The following MYO16 variants were observed in gnomAD, a reference collection of about 807,000 sequenced individuals.
The protein encoded by MYO16 is myosin XVI.
MYO16 carries 94 observed loss-of-function variants against 205.3 expected under a neutral mutation model. That is an observed-to-expected ratio of 0.46 (90% CI 0.39 to 0.54). The LOEUF is 0.54. Among genes scored for constraint, MYO16 ranks in the 20% least tolerant of loss-of-function variants. The pLI, the probability that MYO16 is intolerant of heterozygous loss-of-function variation, is 0.00. For synonymous variants in MYO16, 988 were observed against 954.0 expected, an observed-to-expected ratio of 1.04 and a Z score of -0.66; for missense variants, 2,315 against 2,387.5, an observed-to-expected ratio of 0.97 and a Z score of 0.63.
At chr13:108,503,529 C>T in the MYO16 span, among the ~76,000 whole-genome samples, 3 of 151,996 alleles carry the variant, frequency 2.0e-5, no homozygotes, top group African/African-American at 7.3e-5. Context: ...TCATTTAGCT[C>T]TTTGAAGATC....
At chr13:108,542,219 C>A in the MYO16 span, among the ~76,000 whole-genome samples, 1 of 151,780 alleles carries the variant, frequency 6.6e-6, no homozygotes, top group Admixed American at 6.6e-5. Context: ...AACACAGAAA[C>A]AAACAAACAA....
chr13:109,085,864 A>G (rs551834832), intron 27 of MYO16, among the ~76,000 whole-genome samples: 34 of 152,290 alleles, frequency 2.2e-4, no homozygotes, highest in African/African-American at 7.5e-4. Context: ...CAACAGATCC[A>G]TACACTATGG....
intron 1 of MYO16, among the ~76,000 whole-genome samples, chr13:108,618,373 C>T (rs7321621): frequency 0.024 from 3,650 of 152,238 alleles, 120 homozygotes; most frequent in South Asian, 0.073. Context: ...CAGGAGACAC[C>T]TCCTGCAAGG....
Position 108,992,088 on chromosome 13 carries a change from A to G in MYO16, c.2370-288A>G, listed in dbSNP as rs574736764. Among the ~76,000 whole-genome samples the G allele has an allele frequency of 2.6e-5, 4 of 152,334 alleles. No homozygotes were observed. In the South Asian group the frequency reaches 8.3e-4, roughly 32 times the overall value. ...AAAATTTTTGCAAACTATGCATTGG[A>G]CAAAGGTCTAATATCCAGCATCTAT... is the stretch of plus-strand genomic sequence containing the variant. On this transcript the variant is annotated intron_variant, in intron 20 of 34. Transcript: ENST00000457511.
At chr13:109,102,053 T>C (rs986848428) in intron 28 of MYO16, 2 of 152,172 alleles carry the variant, frequency 1.3e-5, no homozygotes, top group African/African-American at 4.8e-5. Context: ...GATTTAATTG[T>C]CTGTGCCACC....
At chr13:108,621,241 G>A (rs1442286804) in intron 1 of MYO16, among the ~76,000 whole-genome samples, 1 of 152,096 alleles carries the variant, frequency 6.6e-6, no homozygotes, top group Non-Finnish European at 1.5e-5. Flanking sequence ...AAGCTCCACA[G>A]GGTAGGGTCT....
At chr13:109,197,028 T>C (rs1566559078) in intron 34 of MYO16, among the ~76,000 whole-genome samples, 1 of 152,202 alleles carries the variant, frequency 6.6e-6, no homozygotes, top group Non-Finnish European at 1.5e-5. Flanking sequence ...ATAATAATTT[T>C]GGACATGTAA....
intron 9 of MYO16, among the ~76,000 whole-genome samples, chr13:108,835,661 A>G (rs1199708526): frequency 6.6e-6 from 1 of 152,200 alleles, no homozygotes; most frequent in Non-Finnish European, 1.5e-5. Context: ...CAAAATGCAG[A>G]TAGTGATATG....
rs560631503 is a variant in MYO16, at chr13:108,976,738, G to A, written c.2369+11836G>A. ...TGCATTTGTGAGAAAATAAAAATACGCTTATCCCGACTTTTCTTTGTCCAT... is the reference window on the plus strand; with the variant it reads ...TGCATTTGTGAGAAAATAAAAATACACTTATCCCGACTTTTCTTTGTCCAT... On this transcript the variant is annotated intron_variant, in intron 20 of 34. Coordinates refer to ENST00000457511, the MANE Select transcript of MYO16 (RefSeq NM_001198950.3). 2.4e-4 allele frequency among the ~76,000 whole-genome samples: 36 copies of A among 152,150 alleles called. No homozygotes were observed. The South Asian group carries it at 6.2e-3, about 26-fold the overall frequency.
intron 1 of MYO16, among the ~76,000 whole-genome samples, chr13:108,622,664 G>A (rs1243281709): frequency 2.8e-5 from 4 of 144,288 alleles, no homozygotes; most frequent in Non-Finnish European, 6.1e-5. Context: ...GTTGGTGGGG[G>A]ATGGAAAAGA....
chr13:108,567,353 G>A, the MYO16 span, among the ~76,000 whole-genome samples: 1 of 152,182 alleles, frequency 6.6e-6, no homozygotes, highest in Non-Finnish European at 1.5e-5. Context: ...TTGGAGAAAA[G>A]AGGATTTCTT....
At chr13:108,940,522 G>A (rs1050042741) in intron 16 of MYO16, among the ~76,000 whole-genome samples, 7 of 152,198 alleles carry the variant, frequency 4.6e-5, no homozygotes, top group African/African-American at 1.7e-4. Flanking sequence ...GGGGCTTTAT[G>A]ATCTTGGGAA....
At chr13:109,051,183 G>A (rs1246017078) in intron 24 of MYO16, among the ~76,000 whole-genome samples, 1 of 152,030 alleles carries the variant, frequency 6.6e-6, no homozygotes, top group Non-Finnish European at 1.5e-5. Context: ...ACATCACAGG[G>A]CCCCTTTTGC....
intron 28 of MYO16, among the ~76,000 whole-genome samples, chr13:109,107,720 G>A (rs1244288797): frequency 1.3e-5 from 2 of 151,052 alleles, no homozygotes; most frequent in East Asian, 3.9e-4. Flanking sequence ...TCCTTCTCTG[G>A]AATTATAAAT....
intron 10 of MYO16, among the ~76,000 whole-genome samples, chr13:108,846,166 A>T (rs1877509701): frequency 6.6e-6 from 1 of 152,154 alleles, no homozygotes; most frequent in South Asian, 2.1e-4. Flanking sequence ...CTATTAATTA[A>T]CTAGTGTCTA....
chr13:108,800,997 C>T (rs1268468808), intron 6 of MYO16, among the ~76,000 whole-genome samples: 3 of 152,092 alleles, frequency 2.0e-5, no homozygotes, highest in Non-Finnish European at 4.4e-5. Context: ...ATGTTAATAT[C>T]GTTGATTATG....
chr13:109,161,554 C>A (rs1052704436), intron 32 of MYO16, among the ~76,000 whole-genome samples: 1 of 152,098 alleles, frequency 6.6e-6, no homozygotes, highest in African/African-American at 2.4e-5. Context: ...GGAATTGGCA[C>A]CTAATATACA....
intron 2 of MYO16, among the ~76,000 whole-genome samples, chr13:108,684,599 G>T (rs1396090518): frequency 6.6e-6 from 1 of 152,134 alleles, no homozygotes; most frequent in Non-Finnish European, 1.5e-5. Flanking sequence ...ATAGGGACAT[G>T]TTTTGTTCTA....
chr13:108,750,796 G>A (rs2116246), intron 4 of MYO16, among the ~76,000 whole-genome samples: 64,709 of 151,050 alleles, frequency 0.43, 13,888 homozygotes, highest in East Asian at 0.56. Flanking sequence ...GACAGAGCAA[G>A]ACTCCATCTC....
Sources: allele counts gnomAD v4.1 joint callset (sites outside exome capture counted in the v4.1 genomes callset), GRCh38; gene constraint gnomAD v4.1.1; transcripts MANE v1.5; gene names NCBI Gene and HGNC (gene_info 2026-07-23, HGNC 2026-07-21).